Variants in RNF11 observed in about 807,000 individuals in gnomAD.
RNF11 encodes ring finger protein 11.
Under a neutral mutation model 15.8 loss-of-function variants are expected in RNF11, and 4 were observed. The ratio of observed to expected loss-of-function variants is 0.25; its 90% CI spans 0.12 to 0.58. The LOEUF is 0.58. Among genes scored for constraint, RNF11 ranks in the 20% least tolerant of loss-of-function variants. The pLI is 0.91. For synonymous variants in RNF11, 68 were observed against 72.3 expected (o/e 0.94, Z 0.30); for missense variants, 139 against 194.4 (o/e 0.71, Z 1.70).
At chr1:51,248,766 A>G (rs1334788231) in intron 1 of RNF11, among the ~76,000 whole-genome samples, 2 of 152,176 alleles carry the variant, frequency 1.3e-5, no homozygotes, top group Non-Finnish European at 2.9e-5. Flanking sequence ...GAACTTGAGT[A>G]TAAAAAATGA....
intron 1 of RNF11, among the ~76,000 whole-genome samples, chr1:51,248,917 A>G (rs1002545956): frequency 6.6e-6 from 1 of 152,234 alleles, no homozygotes; most frequent in African/African-American, 2.4e-5. Flanking sequence ...ATAAAAAATA[A>G]TACAAGAGCT....
At chr1:51,243,556 A>C (rs1233836918) in intron 1 of RNF11, among the ~76,000 whole-genome samples, 2 of 152,130 alleles carry the variant, frequency 1.3e-5, no homozygotes, top group Non-Finnish European at 1.5e-5. Context: ...CTCCTGCCTC[A>C]GCCTCCCGAG....
At chr1:51,268,272 C>T (rs1329878351) in intron 1 of RNF11, among the ~76,000 whole-genome samples, 1 of 152,130 alleles carries the variant, frequency 6.6e-6, no homozygotes, top group African/African-American at 2.4e-5. Context: ...TTTAAAATAT[C>T]AGGAGGTCTT....
chr1:51,257,840 TTTC>T (rs1181085722), intron 1 of RNF11, among the ~76,000 whole-genome samples: 3 of 137,664 alleles, frequency 2.2e-5, no homozygotes, highest in Non-Finnish European at 4.6e-5. Context: ...TCTTATTTCT[TTTC>T]TTTTCTTTTC....
chr1:51,236,792 C>A lies in RNF11; in HGVS notation c.36C>A (p.Asp12Glu), dbSNP rs139288575. The change falls in exon 1 of 3, where the codon GAC becomes GAA. Residue 12 changes from aspartate (D) to glutamate (E), a missense_variant. Transcript: ENST00000242719. ...GNCLKSPTSD[D>E]ISLLHESQSD... ...GCCTCAAATCCCCCACCTCGGATGACATCTCCCTGCTTCACGAGTCTCAGT... is the reference window on the plus strand; with the variant it reads ...GCCTCAAATCCCCCACCTCGGATGAAATCTCCCTGCTTCACGAGTCTCAGT... 4 of 1,613,562 alleles carry A rather than the reference C, an allele frequency of 2.5e-6. No homozygotes were observed. Among genetic ancestry groups the A allele is most frequent in the Non-Finnish European group, 3.4e-6 (4 of 1,179,760 alleles).
intron 1 of RNF11, among the ~76,000 whole-genome samples, chr1:51,248,038 A>G (rs1445724135): frequency 2.0e-5 from 3 of 151,656 alleles, no homozygotes; most frequent in South Asian, 4.1e-4. Context: ...GCAGTTTACC[A>G]TAATTGAGTA....
intron 1 of RNF11, chr1:51,251,337 C>T (rs1015669510): frequency 1.1e-5 from 16 of 1,514,290 alleles, no homozygotes; most frequent in South Asian, 3.5e-5. Context: ...GCGAGCTCCG[C>T]GGCCTCGGCC....
intron 1 of RNF11, among the ~76,000 whole-genome samples, chr1:51,250,058 C>T (rs1235718997): frequency 6.6e-6 from 1 of 152,138 alleles, no homozygotes; most frequent in Non-Finnish European, 1.5e-5. Context: ...AGTGGTTGCA[C>T]TAATTTTCTG....
At chr1:51,271,107 A>G (rs933338703) in intron 2 of RNF11, 44 bp from the exon 3 acceptor site, 1 of 1,529,262 alleles carries the variant, frequency 6.5e-7, no homozygotes, top group Non-Finnish European at 9.0e-7. Context: ...TGAATAGGAC[A>G]CTTCTGAAAA....
intron 2 of RNF11, 144 bp downstream of exon 2, chr1:51,270,269 T>C (rs1646972182): frequency 1.6e-6 from 1 of 641,806 alleles, no homozygotes; most frequent in African/African-American, 1.9e-5. Context: ...TTAATTTTTT[T>C]TCATAGCTCT....
chr1:51,264,840 C>G (rs1031108133), intron 1 of RNF11: 2 of 152,176 alleles, frequency 1.3e-5, no homozygotes, highest in African/African-American at 2.4e-5. Context: ...GCCCTTCAGA[C>G]AGACACGTTT....
chr1:51,268,569 C>T (rs1646965015), intron 1 of RNF11, among the ~76,000 whole-genome samples: 1 of 152,126 alleles, frequency 6.6e-6, no homozygotes, highest in Non-Finnish European at 1.5e-5. Flanking sequence ...CTGAAAAACC[C>T]ATAGTTGGAG....
intron 1 of RNF11, among the ~76,000 whole-genome samples, chr1:51,261,704 T>A (rs554979019): frequency 3.3e-5 from 5 of 150,152 alleles, no homozygotes; most frequent in Non-Finnish European, 5.9e-5. Flanking sequence ...TTTTTTTTTC[T>A]TGAGACGGAG....
chr1:51,262,026 T>C (rs994459910), intron 1 of RNF11, among the ~76,000 whole-genome samples: 1 of 152,212 alleles, frequency 6.6e-6, no homozygotes, highest in African/African-American at 2.4e-5. Flanking sequence ...AGCTAATTTT[T>C]TCTGTTTTAG....
intron 1 of RNF11, among the ~76,000 whole-genome samples, chr1:51,252,982 C>T (rs1336787220): frequency 4.6e-5 from 7 of 151,712 alleles, no homozygotes; most frequent in African/African-American, 9.7e-5. Context: ...GCCCACCACG[C>T]GCGGCTAATT....
chr1:51,245,281 T>C (rs1646846668), intron 1 of RNF11, among the ~76,000 whole-genome samples: 1 of 152,084 alleles, frequency 6.6e-6, no homozygotes, highest in African/African-American at 2.4e-5. Flanking sequence ...GTCTCCTGAA[T>C]AGCTGGGACC....
chr1:51,261,113 C>T (rs928260766), intron 1 of RNF11, among the ~76,000 whole-genome samples: 3 of 152,060 alleles, frequency 2.0e-5, no homozygotes, highest in African/African-American at 7.2e-5. Context: ...TTTTGTTTCT[C>T]AAAAATGTTT....
intron 1 of RNF11, 76 bp from the exon 2 acceptor site, chr1:51,269,880 C>T: frequency 7.6e-7 from 1 of 1,309,778 alleles, no homozygotes; most frequent in Non-Finnish European, 1.1e-6. Context: ...CCTTTCCCTT[C>T]TATCTCTGAC....
At chr1:51,237,227 C>G (rs747520149) in intron 1 of RNF11, among the ~76,000 whole-genome samples, 4 of 151,876 alleles carry the variant, frequency 2.6e-5, no homozygotes, top group Non-Finnish European at 4.4e-5. Flanking sequence ...GCACCGCCAA[C>G]TGGATTATGG....
Sources: gnomAD v4.1 joint callset for allele counts (sites outside exome capture counted in the v4.1 genomes callset) on GRCh38, gnomAD v4.1.1 for gene constraint, MANE v1.5 for transcripts, NCBI Gene and HGNC (gene_info 2026-07-23, HGNC 2026-07-21) for gene names.